SSH1: variants seen among roughly 807,000 people sequenced by gnomAD.
SSH1 encodes slingshot protein phosphatase 1.
SSH1 carries 43 observed loss-of-function variants against 79.7 expected under a neutral mutation model. That is an observed-to-expected ratio of 0.54 (90% CI 0.42 to 0.70). The LOEUF is 0.70. Among genes scored for constraint, SSH1 ranks in the 30% least tolerant of loss-of-function variants. SSH1 has a pLI of 0.00. For synonymous variants in SSH1, 599 were observed against 538.3 expected (o/e 1.11, Z -1.56); for missense variants, 1,206 against 1,358.8 (o/e 0.89, Z 1.77).
chr12:108,802,956 T>C (rs909765225), intron 10 of SSH1, among the ~76,000 whole-genome samples: 26 of 151,780 alleles, frequency 1.7e-4, no homozygotes, highest in Non-Finnish European at 7.4e-5. Flanking sequence ...AGGGAAAAAA[T>C]GAGTAAAATA....
chr12:108,799,069 C>T lies in SSH1; in HGVS notation c.1280G>A (p.Arg427His), dbSNP rs754103782. 3.1e-6 allele frequency: 5 copies of T among 1,614,134 alleles called. No homozygotes were observed. The highest frequency in any genetic ancestry group is 1.1e-5 in the South Asian group (1 of 91,088). Reference sequence around the variant, plus strand: ...GCCCGCGTTGGGGCGCGTGATGCTGCGCTTCTGCTTTACATAGTTATATGC... The same window carrying T: ...GCCCGCGTTGGGGCGCGTGATGCTGTGCTTCTGCTTTACATAGTTATATGC... ...EKAYNYVKQKRSITRPNAGFM... is the reference protein window; with the variant it reads ...EKAYNYVKQKHSITRPNAGFM... Residue 427 changes from arginine (R) to histidine (H), a missense_variant, in exon 13 of 15, where the codon CGC (arginine) becomes CAC (histidine). Physicochemically the swap from Arg to His is conservative, Grantham distance 29. Transcript: ENST00000326495.
At chr12:108,798,668 T>C (rs553742503) in intron 13 of SSH1, among the ~76,000 whole-genome samples, 8 of 152,226 alleles carry the variant, frequency 5.3e-5, no homozygotes, top group Non-Finnish European at 1.2e-4. Flanking sequence ...ACAAACCAGA[T>C]GCCCAGGAAG....
intron 4 of SSH1, among the ~76,000 whole-genome samples, chr12:108,817,994 G>C (rs2037968219): frequency 6.6e-6 from 1 of 152,162 alleles, no homozygotes. Flanking sequence ...GAGGCCAGGA[G>C]TTCAAGACCA....
rs1365524164 is a variant in SSH1 at position 108,781,473 on chromosome 12, A to T, written c.*6515T>A. 1 of 152,240 alleles carries T rather than the reference A, an allele frequency of 6.6e-6. No individual in the cohort carries two copies. Among genetic ancestry groups the T allele is most frequent in the Non-Finnish European group, 1.5e-5 (1 of 68,048 alleles). The allele number at this position is 152,240 out of a possible 1,614,324, so 9.4% of individuals were successfully genotyped here. A position where few individuals can be genotyped will look rare whatever the true frequency, so the allele number is the denominator to read the frequency against. On this transcript the variant is annotated 3_prime_UTR_variant, in exon 15 of 15. Coordinates refer to ENST00000326495, the MANE Select transcript of SSH1 (RefSeq NM_018984.4). ...GAGCAATCTGGTCTGCTTGATGATT[A>T]TAATTCTTTTGGTAAAGTAATAAAC...
At chr12:108,800,971 GAGAA>G (rs1446023836) in intron 11 of SSH1, 45 bp from the exon 12 acceptor site, 1 of 1,580,118 alleles carries the variant, frequency 6.3e-7, no homozygotes. Context: ...CAATCTGAAT[GAGAA>G]AGAAAAGCAA....
intron 4 of SSH1, 76 bp downstream of exon 4, chr12:108,818,173 G>T: frequency 8.1e-7 from 1 of 1,234,154 alleles, no homozygotes; most frequent in Non-Finnish European, 1.2e-6. Context: ...ACTCCAGCCT[G>T]GGCAACAGAG....
chr12:108,826,127 C>G (rs6539455), intron 2 of SSH1: 74,093 of 454,330 alleles, frequency 0.16, 9,385 homozygotes, highest in Admixed American at 0.38. Flanking sequence ...ACGCTGGAAA[C>G]AGCCAACCAT....
chr12:108,845,197 GA>G (rs532428327), intron 2 of SSH1, among the ~76,000 whole-genome samples: 5,614 of 59,778 alleles, frequency 0.094, 138 homozygotes, highest in South Asian at 0.2. Context: ...CAACAGAGCA[GA>G]AAAAAAAAAA....
chr12:108,831,938 A>G (rs1566010453), intron 2 of SSH1, among the ~76,000 whole-genome samples: 1 of 152,222 alleles, frequency 6.6e-6, no homozygotes. Flanking sequence ...TGGTTGAGAC[A>G]TCGCACTGTC....
At position 108,844,281 on chromosome 12, in the gene SSH1, T is replaced by A. The variant is rs1276789512; in HGVS notation, c.110+8357A>T. On this transcript the variant is annotated intron_variant, in intron 2 of 14. Coordinates refer to ENST00000326495, the MANE Select transcript of SSH1 (RefSeq NM_018984.4). ...GTCCAAAATCATAGAAAAAAAAAAA[T>A]AAGAATCAACATGGGCGGTTATTTT... 4.0e-5 allele frequency among the ~76,000 whole-genome samples: 6 copies of A among 148,388 alleles called. No homozygotes were observed. The East Asian group carries it at 7.9e-4, about 20-fold the overall frequency.
rs1038665823 is a variant in SSH1, at chr12:108,782,404, T to A, written c.*5584A>T. On this transcript the variant is annotated 3_prime_UTR_variant, in exon 15 of 15. Coordinates refer to ENST00000326495, the MANE Select transcript of SSH1 (RefSeq NM_018984.4). ...CCCACCCAAAGTCCAAATCCTTTCC[T>A]GGTGGGTAACTTTTTTTTTTTGGTA... 6.6e-6 allele frequency: 1 copy of A among 151,858 alleles called. No individual in the cohort carries two copies. Among genetic ancestry groups the A allele is most frequent in the African/African-American group, 2.4e-5 (1 of 41,366 alleles). 9.4% of individuals were successfully genotyped at this position (151,858 alleles called of 1,614,324 possible). A position where few individuals can be genotyped will look rare whatever the true frequency, so the allele number is the denominator to read the frequency against.
Position 108,807,958 on chromosome 12 carries a change from C to T in SSH1, c.537-131G>A. The T allele has an allele frequency of 1.2e-6, 1 of 836,590 alleles. No individual in the cohort carries two copies. Among genetic ancestry groups the T allele is most frequent in the Non-Finnish European group, 1.9e-6 (1 of 518,184 alleles). 51.8% of individuals were successfully genotyped at this position (836,590 alleles called of 1,614,324 possible). ...ATTGGTTGATTATTTCTTTTTGGGACAGAGTCTCGCTCTGTCACTCCCAGG... is the reference window on the plus strand; with the variant it reads ...ATTGGTTGATTATTTCTTTTTGGGATAGAGTCTCGCTCTGTCACTCCCAGG... On this transcript the variant is annotated intron_variant, in intron 7 of 14. Transcript: ENST00000326495. This position sits in a 1 kb window ranked among gnomAD's most constrained non-coding sequence, Gnocchi z 5.2.
chr12:108,810,151 A>AAAT (rs1565989669), intron 6 of SSH1, among the ~76,000 whole-genome samples: 1 of 152,020 alleles, frequency 6.6e-6, no homozygotes, highest in Non-Finnish European at 1.5e-5. Flanking sequence ...ATTGCACGGA[A>AAAT]AATAATCAAT....
intron 14 of SSH1, among the ~76,000 whole-genome samples, chr12:108,789,851 C>G (rs1282500244): frequency 6.6e-6 from 1 of 152,172 alleles, no homozygotes; most frequent in Admixed American, 6.5e-5. Flanking sequence ...CAACAGGGCT[C>G]TGTCTCTCTC....
rs1201836020 is a variant in SSH1, at chr12:108,783,391, T to C, written c.*4597A>G. On this transcript the variant is annotated 3_prime_UTR_variant, in exon 15 of 15. Transcript: ENST00000326495. ...ATCATAACAGATGAGACTTTAACAG[T>C]TTTGCATAAATACATAGTATTTGTA... is the stretch of plus-strand genomic sequence containing the variant. 6.6e-6 allele frequency: 1 copy of C among 152,252 alleles called. No homozygotes were observed. Among genetic ancestry groups the C allele is most frequent in the Non-Finnish European group, 1.5e-5 (1 of 68,048 alleles). 9.4% of individuals were successfully genotyped at this position (152,252 alleles called of 1,614,324 possible). A position where few individuals can be genotyped will look rare whatever the true frequency, so the allele number is the denominator to read the frequency against.
At chr12:108,796,558 T>C (rs117083974) in intron 13 of SSH1, among the ~76,000 whole-genome samples, 1,803 of 152,346 alleles carry the variant, frequency 0.012, 18 homozygotes, top group Non-Finnish European at 0.018. Flanking sequence ...TAGTATCCCA[T>C]TGTATGAATA....
chr12:108,846,502 G>GAGC (rs1321155638), intron 2 of SSH1, among the ~76,000 whole-genome samples: 1 of 152,202 alleles, frequency 6.6e-6, no homozygotes, highest in Non-Finnish European at 1.5e-5. Flanking sequence ...GAGGGACTAC[G>GAGC]AGCGGCCAGC....
chr12:108,821,887 G>A (rs2038135581), intron 3 of SSH1, among the ~76,000 whole-genome samples: 1 of 152,148 alleles, frequency 6.6e-6, no homozygotes, highest in Non-Finnish European at 1.5e-5. Context: ...CAAACAAAAT[G>A]TTCACAAGAA....
At chr12:108,840,481 C>G (rs942506384) in intron 2 of SSH1, among the ~76,000 whole-genome samples, 1 of 151,434 alleles carries the variant, frequency 6.6e-6, no homozygotes, top group Admixed American at 6.6e-5. Flanking sequence ...TGCAGTTAGC[C>G]GAGATCGTGC....
Sources: gnomAD v4.1 joint callset for allele counts (sites outside exome capture counted in the v4.1 genomes callset) on GRCh38, gnomAD v4.1.1 for gene constraint, Gnocchi (gnomAD v3.1) non-coding constraint, MANE v1.5 for transcripts, NCBI Gene and HGNC (gene_info 2026-07-23, HGNC 2026-07-21) for gene names.